HOMER2: variants seen among roughly 807,000 people sequenced by gnomAD.
HOMER2 encodes homer scaffold protein 2.
Under a neutral mutation model 47.0 loss-of-function variants are expected in HOMER2, and 27 were observed. That is an observed-to-expected ratio of 0.57 (90% CI 0.42 to 0.79). The LOEUF (loss-of-function observed/expected upper bound fraction) is 0.79, where lower values mean the gene tolerates loss of function less well. Ranked by LOEUF, HOMER2 falls within the 30% of genes least tolerant of loss-of-function variation. HOMER2 has a pLI of 0.00. For missense variants in HOMER2, 443 were observed against 435.0 expected, an observed-to-expected ratio of 1.02 and a Z score of -0.16; for synonymous variants, 161 against 163.8, an observed-to-expected ratio of 0.98 and a Z score of 0.13.
intron 1 of HOMER2, among the ~76,000 whole-genome samples, chr15:82,909,481 A>G (rs989352300): frequency 1.1e-4 from 17 of 152,180 alleles, no homozygotes; most frequent in African/African-American, 3.9e-4. Flanking sequence ...TTTTGGCGGG[A>G]GGGATGGTTA....
chr15:82,914,528 G>T (rs1400125497), intron 1 of HOMER2, among the ~76,000 whole-genome samples: 3 of 152,040 alleles, frequency 2.0e-5, no homozygotes, highest in African/African-American at 7.2e-5. Flanking sequence ...GAGACAGAAA[G>T]TAGAACAGTG....
chr15:82,851,763 A>G (rs1020944612), intron 7 of HOMER2, among the ~76,000 whole-genome samples: 4 of 152,236 alleles, frequency 2.6e-5, no homozygotes, highest in African/African-American at 9.6e-5. Flanking sequence ...CTCCATCTTA[A>G]ATAAAATAAA....
intron 5 of HOMER2, among the ~76,000 whole-genome samples, chr15:82,855,090 A>G (rs1188166082): frequency 1.3e-5 from 2 of 152,036 alleles, no homozygotes; most frequent in African/African-American, 4.8e-5. Flanking sequence ...TAATCCTAAC[A>G]CTTTGGGAGG....
At chr15:82,918,700 C>T (rs1393906558) in intron 1 of HOMER2, among the ~76,000 whole-genome samples, 2 of 152,312 alleles carry the variant, frequency 1.3e-5, no homozygotes, top group African/African-American at 2.4e-5. Context: ...CAGTGACTCA[C>T]ACCACTGGAT....
At chr15:82,949,209 A>C (rs115716701) in intron 1 of HOMER2, among the ~76,000 whole-genome samples, 79 of 152,272 alleles carry the variant, frequency 5.2e-4, no homozygotes, top group African/African-American at 1.8e-3. Context: ...TCCAAGAAAG[A>C]TCTGAGCTAG....
chr15:82,859,291 C>A, intron 4 of HOMER2, 156 bp from the exon 5 acceptor site: 7 of 959,028 alleles, frequency 7.3e-6, no homozygotes, highest in African/African-American at 2.0e-5. Context: ...GCAGCAAAGA[C>A]TAACAAGTTT....
chr15:82,904,776 G>A (rs1435875722), intron 1 of HOMER2, among the ~76,000 whole-genome samples: 1 of 152,124 alleles, frequency 6.6e-6, no homozygotes, highest in Non-Finnish European at 1.5e-5. Context: ...GCTATGGAAT[G>A]CTTCCCCTCC....
Position 82,892,799 on chromosome 15 carries a change from A to G in HOMER2, c.48T>C (p.Ile16=). 2 of 1,604,694 alleles carry G rather than the reference A, an allele frequency of 1.2e-6. No homozygotes were observed. Among genetic ancestry groups the G allele is most frequent in the African/African-American group, 1.3e-5 (1 of 74,954 alleles). ...IFTTRAHVFQ[I]DPNTKKNWMP... ...TCCAGTTCTTCTTGGTGTTGGGGTC[A>G]ATCTGGAAGACATGCGCTCGGGTGG... Residue 16 remains isoleucine, a synonymous_variant, in exon 2 of 9, where the codon ATT becomes ATC. Transcript: ENST00000450735.
intron 1 of HOMER2, among the ~76,000 whole-genome samples, chr15:82,975,029 C>A (rs2030155955): frequency 6.6e-6 from 1 of 152,098 alleles, no homozygotes; most frequent in Admixed American, 6.6e-5. Context: ...AAGATTGCAC[C>A]ACTGCACTCC....
At position 82,849,443 on chromosome 15, in the gene HOMER2, C is replaced by T; in HGVS notation, c.*272G>A. ...CAACAGCCCTTATGAAAGATATAAA[C>T]ATCCCTGCCCTGACTGCATAAATGT... On this transcript the variant is annotated 3_prime_UTR_variant, in exon 9 of 9. Transcript: ENST00000450735. 2.3e-6 allele frequency: 1 copy of T among 432,316 alleles called. No individual in the cohort carries two copies. Among genetic ancestry groups the T allele is most frequent in the Non-Finnish European group, 4.1e-6 (1 of 243,392 alleles). The allele number at this position is 432,316 out of a possible 1,614,324, so 26.8% of individuals were successfully genotyped here. A position where few individuals can be genotyped will look rare whatever the true frequency, so the allele number is the denominator to read the frequency against.
intron 1 of HOMER2, among the ~76,000 whole-genome samples, chr15:82,975,287 T>C (rs549965688): frequency 4.6e-5 from 7 of 152,278 alleles, no homozygotes; most frequent in African/African-American, 9.6e-5. Context: ...ACAACCACTA[T>C]AGAGAACATT....
rs2051416292 is a variant in HOMER2, at chr15:82,852,169, C to CA, written c.734dup (p.Glu246GlyfsTer19). On this transcript the variant is annotated frameshift_variant, in exon 7 of 9. Coordinates refer to ENST00000450735, the MANE Select transcript of HOMER2 (RefSeq NM_004839.4). LOFTEE classifies it high-confidence loss of function. Reference sequence around the variant, plus strand: ...TCTCCTTTTCTCGGAGCTCTGCCTCCAGCTCCTCGATCCTCCTCTTCAGCT... The same window carrying CA: ...TCTCCTTTTCTCGGAGCTCTGCCTCCAAGCTCCTCGATCCTCCTCTTCAGCT... 1.2e-6 allele frequency: 2 copies of CA among 1,613,538 alleles called. No homozygotes were observed. The highest frequency in any genetic ancestry group is 1.7e-5 in the Admixed American group (1 of 60,008).
Position 82,896,189 on chromosome 15 carries a change from G to A in HOMER2, c.6-3348C>T, listed in dbSNP as rs1182868792. Among the ~76,000 whole-genome samples the A allele has an allele frequency of 3.3e-5, 5 of 152,226 alleles. No individual in the cohort carries two copies. In the Middle Eastern group the frequency reaches 0.014, roughly 414 times the overall value. On this transcript the variant is annotated intron_variant, in intron 1 of 8. Transcript: ENST00000450735. ...TGTTCTGGTCAGGAAGGAGGGTGGA[G>A]ATGAGTGCGGCCTGTGGTGGCCCAG... is the stretch of plus-strand genomic sequence containing the variant.
chr15:82,872,614 T>C lies in HOMER2; in HGVS notation c.294+2659A>G, dbSNP rs1206374396. On this transcript the variant is annotated intron_variant, in intron 3 of 8. Transcript: ENST00000450735. ...TTCCACGACTGGACCTTAGCAGCCTTACCCACCCGAAAATCCTGGACACTC... is the reference window on the plus strand; with the variant it reads ...TTCCACGACTGGACCTTAGCAGCCTCACCCACCCGAAAATCCTGGACACTC... Among the ~76,000 whole-genome samples, 4 of 152,154 alleles carry C rather than the reference T, an allele frequency of 2.6e-5. No homozygotes were observed. The East Asian group carries it at 7.7e-4, about 29-fold the overall frequency.
intron 1 of HOMER2, among the ~76,000 whole-genome samples, chr15:82,950,901 T>A (rs1427607553): frequency 6.6e-6 from 1 of 152,244 alleles, no homozygotes; most frequent in Non-Finnish European, 1.5e-5. Context: ...TACTTGTTTT[T>A]GATCACACAA....
exon 2 of HOMER2, chr15:82,838,829 T>TA (rs560554801): frequency 9.4e-4 from 143 of 152,186 alleles, no homozygotes; most frequent in African/African-American, 3.3e-3. Context: ...GAAGGAAAAA[T>TA]AGAGAAGGTC....
intron 1 of HOMER2, among the ~76,000 whole-genome samples, chr15:82,893,092 T>C (rs2052772105): frequency 3.3e-5 from 5 of 152,268 alleles, no homozygotes; most frequent in Middle Eastern, 3.4e-3. Context: ...ACAATTTGCT[T>C]AAAAGGCAAC....
exon 2 of HOMER2, chr15:82,842,461 AT>A (rs372884842): frequency 0.017 from 1,944 of 112,736 alleles, 4 homozygotes; most frequent in Non-Finnish European, 0.024. Flanking sequence ...CAGCCAGCTA[AT>A]TTTTTTTTTT....
At chr15:82,938,617 G>T (rs927745823) in intron 1 of HOMER2, among the ~76,000 whole-genome samples, 5 of 152,000 alleles carry the variant, frequency 3.3e-5, no homozygotes, top group African/African-American at 7.3e-5. Context: ...AAACATCAAT[G>T]GTCCTTCTAC....
Sources: allele counts gnomAD v4.1 joint callset (sites outside exome capture counted in the v4.1 genomes callset), GRCh38; gene constraint gnomAD v4.1.1; transcripts MANE v1.5; gene names NCBI Gene and HGNC (gene_info 2026-07-23, HGNC 2026-07-21).